Variants in ZSCAN5B observed in about 807,000 individuals in gnomAD.
ZSCAN5B encodes the protein zinc finger and SCAN domain-containing protein 5B.
Under a neutral mutation model 25.2 loss-of-function variants are expected in ZSCAN5B, and 26 were observed. That is an observed-to-expected ratio of 1.03 (90% CI 0.76 to 1.43). The LOEUF is 1.43. Ranked by LOEUF, ZSCAN5B falls within the 40% of genes most tolerant of loss-of-function variation. The pLI is 0.00. For missense variants in ZSCAN5B, 745 were observed against 622.1 expected (o/e 1.20, Z -2.10); for synonymous variants, 244 against 240.9 (o/e 1.01, Z -0.12).
chr19:56,191,093 C>T, intron 3 of ZSCAN5B, 106 bp from the exon 4 acceptor site: 1 of 1,471,896 alleles, frequency 6.8e-7, no homozygotes, highest in Non-Finnish European at 9.3e-7. Flanking sequence ...CATGGACCAC[C>T]CCATCACCCC....
Position 56,190,578 on chromosome 19 carries a change from G to C in ZSCAN5B, c.740-3C>G, listed in dbSNP as rs766524087. The C allele has an allele frequency of 3.1e-6, 5 of 1,608,942 alleles. No individual in the cohort carries two copies. Among genetic ancestry groups the C allele is most frequent in the Non-Finnish European group, 4.2e-6 (5 of 1,178,990 alleles). On this transcript the variant is annotated splice_polypyrimidine_tract_variant and splice_region_variant and intron_variant, in intron 4 of 4. Transcript: ENST00000586855. ...CCCCTCCTTTGCTCTCACCAGATCTGGTGGAAGAAGGGATTCCACACACAA... is the reference window on the plus strand; with the variant it reads ...CCCCTCCTTTGCTCTCACCAGATCTCGTGGAAGAAGGGATTCCACACACAA...
rs754134274 is a variant in ZSCAN5B at position 56,190,152 on chromosome 19, C to A, written c.1163G>T (p.Cys388Phe). ...TGAGGGCTGCAAGAAGCGCTTCCGA[C>A]AGAGATCACATTGAAAGGGTCTGTC... Residue 388 changes from cysteine (C) to phenylalanine (F), a missense_variant, in exon 5 of 5, where the codon TGT (cysteine) becomes TTT (phenylalanine). Physicochemically the swap from Cys to Phe is radical, Grantham distance 205 (BLOSUM62 -2). Transcript: ENST00000586855. 59 of 1,613,890 alleles carry A rather than the reference C, an allele frequency of 3.7e-5. No homozygotes were observed. Among genetic ancestry groups the A allele is most frequent in the Non-Finnish European group, 4.8e-5 (57 of 1,179,912 alleles).
intron 2 of ZSCAN5B, among the ~76,000 whole-genome samples, 162 bp downstream of exon 2, chr19:56,192,507 G>T (rs551926490): frequency 3.3e-5 from 5 of 152,302 alleles, no homozygotes; most frequent in South Asian, 2.1e-4. Flanking sequence ...CTTTCTTTCA[G>T]GTTGGCCTCA....
chr19:56,194,006 T>A (rs1472816512), intron 1 of ZSCAN5B, among the ~76,000 whole-genome samples: 4 of 151,678 alleles, frequency 2.6e-5, no homozygotes, highest in Admixed American at 6.6e-5. Flanking sequence ...TGCACAGATA[T>A]GTGGTTGTTT....
rs7250670 is a variant in ZSCAN5B at position 56,195,649 on chromosome 19, A to C, written c.-128+2085T>G. On this transcript the variant is annotated intron_variant, in intron 1 of 4. Coordinates refer to ENST00000586855, the Ensembl canonical transcript of ZSCAN5B. ...CCGGGGCAGGTACACAGAGGAAAGG[A>C]AATCAGGACGTGGACTCCAAAACAG... Among the ~76,000 whole-genome samples, 616 of 152,128 alleles carry C rather than the reference A, an allele frequency of 4.0e-3. 4 individuals carry two copies. The highest frequency in any genetic ancestry group is 0.014 in the African/African-American group (587 of 41,464).
At chr19:56,190,905 T>A (rs1483240398) in exon 4 of ZSCAN5B, 2 of 1,614,040 alleles carry the variant, frequency 1.2e-6, no homozygotes, top group Admixed American at 3.3e-5. Flanking sequence ...TTCCTTCAGA[T>A]CCTTCTCCAA....
rs531608205 is a variant in ZSCAN5B at position 56,194,849 on chromosome 19, T to C, written c.-127-1670A>G. 2.3e-3 allele frequency among the ~76,000 whole-genome samples: 352 copies of C among 152,272 alleles called. 3 individuals are homozygous for C. The highest frequency in any genetic ancestry group is 8.0e-3 in the African/African-American group (334 of 41,566). Reference sequence around the variant, plus strand: ...CTCAAACTCCTGACCTCGGGTGACATGCCTCGGCCTCCCAAAGTGCTAGGA... The same window carrying C: ...CTCAAACTCCTGACCTCGGGTGACACGCCTCGGCCTCCCAAAGTGCTAGGA... On this transcript the variant is annotated intron_variant, in intron 1 of 4. Coordinates refer to ENST00000586855, the Ensembl canonical transcript of ZSCAN5B.
At chr19:56,190,917 G>A in exon 4 of ZSCAN5B, 2 of 1,614,144 alleles carry the variant, frequency 1.2e-6, no homozygotes, top group South Asian at 2.2e-5. Flanking sequence ...CTTCTCCAAG[G>A]TCTGCTTGGG....
At position 56,189,979 on chromosome 19, in the gene ZSCAN5B, T is replaced by C. The variant is rs200532865; in HGVS notation, c.1336A>G (p.Lys446Glu). ...AGGTTCCCCTTGTGGCTGAAAACTT[T>C]GCTGCAGTATTTACATTTAAACGGC... Residue 446 changes from lysine (K) to glutamate (E), a missense_variant, in exon 5 of 5, where the codon AAA (lysine) becomes GAA (glutamate). By Grantham distance (56) the Lys-to-Glu change is moderately conservative (BLOSUM62 1). Transcript: ENST00000586855. 1,695 of 1,614,000 alleles carry C rather than the reference T, an allele frequency of 1.1e-3. 2 individuals are homozygous for C. Among genetic ancestry groups the C allele is most frequent in the Admixed American group, 1.3e-3 (81 of 60,024 alleles).
chr19:56,191,461 T>C (rs1327834670), intron 3 of ZSCAN5B, among the ~76,000 whole-genome samples: 1 of 152,128 alleles, frequency 6.6e-6, no homozygotes, highest in Non-Finnish European at 1.5e-5. Context: ...AAATCACCAG[T>C]TGAGAAACAC....
exon 2 of ZSCAN5B, chr19:56,193,096 C>T: frequency 4.7e-6 from 7 of 1,483,380 alleles, no homozygotes; most frequent in Non-Finnish European, 6.3e-6. Flanking sequence ...CAAGCTCTTC[C>T]AGTAGCCAGT....
intron 1 of ZSCAN5B, among the ~76,000 whole-genome samples, chr19:56,196,354 T>G (rs1376646186): frequency 6.6e-6 from 1 of 152,058 alleles, no homozygotes. Context: ...ACCTGGCCAT[T>G]AAAACTTTTT....
exon 2 of ZSCAN5B, chr19:56,192,686 T>C: frequency 6.3e-7 from 1 of 1,591,574 alleles, no homozygotes; most frequent in East Asian, 2.2e-5. Flanking sequence ...TTGGGTCTTC[T>C]GTTATTTCGT....
chr19:56,190,458 T>G, exon 5 of ZSCAN5B: 2 of 1,614,122 alleles, frequency 1.2e-6, no homozygotes, highest in South Asian at 1.1e-5. Flanking sequence ...ATCTCCTCTG[T>G]TCCCGCTGTG....
intron 1 of ZSCAN5B, among the ~76,000 whole-genome samples, chr19:56,194,056 A>G (rs914868108): frequency 2.3e-4 from 35 of 152,152 alleles, no homozygotes; most frequent in African/African-American, 8.2e-4. Context: ...ACTTTTACTA[A>G]GAACATGCGC....
At chr19:56,193,257 A>G (rs958748921) in intron 1 of ZSCAN5B, 78 bp from the exon 2 acceptor site, 12 of 570,464 alleles carry the variant, frequency 2.1e-5, no homozygotes, top group East Asian at 6.1e-5. Context: ...CCTCATCCCA[A>G]TCCTGGACCC....
At chr19:56,190,599 CACAACAGTTA>C (rs2032718182) in intron 4 of ZSCAN5B, 24 bp from the exon 5 acceptor site, 1 of 1,603,448 alleles carries the variant, frequency 6.2e-7, no homozygotes, top group Non-Finnish European at 8.5e-7. Context: ...GGATTCCACA[CACAACAGTTA>C]ACAAAGCCGA....
At chr19:56,194,108 T>C (rs999734828) in intron 1 of ZSCAN5B, among the ~76,000 whole-genome samples, 1 of 152,134 alleles carries the variant, frequency 6.6e-6, no homozygotes, top group African/African-American at 2.4e-5. Context: ...CCAGAATCAC[T>C]GCATCACCCC....
rs369057651 is a variant in ZSCAN5B at position 56,192,099 on chromosome 19, T to G, written c.385-46A>C. The G allele has an allele frequency of 3.3e-6, 5 of 1,510,272 alleles. No individual in the cohort carries two copies. In the African/African-American group the frequency reaches 6.9e-5, roughly 21 times the overall value. The allele number at this position is 1,510,272 out of a possible 1,614,324, so 93.6% of individuals were successfully genotyped here. A position where few individuals can be genotyped will look rare whatever the true frequency, so the allele number is the denominator to read the frequency against. On this transcript the variant is annotated intron_variant, in intron 2 of 4. Transcript: ENST00000586855. ...ATCAGACACTATGAGAACCTGAAAG[T>G]AGCTCTCATATTTCCTGGGTCCTGC... is the stretch of plus-strand genomic sequence containing the variant.
Sources: gnomAD v4.1 joint callset for allele counts (sites outside exome capture counted in the v4.1 genomes callset) on GRCh38, gnomAD v4.1.1 for gene constraint, MANE v1.5 for transcripts, NCBI Gene and HGNC (gene_info 2026-07-23, HGNC 2026-07-21) for gene names.